MTHFD1: variants seen among roughly 807,000 people sequenced by gnomAD.
MTHFD1 encodes methylenetetrahydrofolate dehydrogenase, cyclohydrolase and formyltetrahydrofolate synthetase 1, also known as C-1-tetrahydrofolate synthase, cytoplasmic.
In MTHFD1, 44 loss-of-function variants were observed where a neutral mutation model predicts 110.3. The observed-to-expected ratio is 0.40, with a 90% CI of 0.31 to 0.51. The LOEUF is 0.51. Ranked by LOEUF, MTHFD1 falls within the 20% of genes least tolerant of loss-of-function variation. The pLI, the probability that MTHFD1 is intolerant of heterozygous loss-of-function variation, is 0.60. For missense variants in MTHFD1, 909 were observed against 1,173.1 expected (o/e 0.77, Z 3.29); for synonymous variants, 402 against 428.8 (o/e 0.94, Z 0.77).
At chr14:64,410,597 A>T (rs2077976117) in intron 2 of MTHFD1, among the ~76,000 whole-genome samples, 1 of 152,040 alleles carries the variant, frequency 6.6e-6, no homozygotes, top group Non-Finnish European at 1.5e-5. Context: ...AACTAGAGGG[A>T]GGTCCTTCCA....
At chr14:64,427,516 T>G in intron 12 of MTHFD1, 43 bp downstream of exon 12, 1 of 1,608,392 alleles carries the variant, frequency 6.2e-7, no homozygotes. Context: ...GGGGACCTGC[T>G]TCTCCTTCAG....
Position 64,415,425 on chromosome 14 carries a change from T to C in MTHFD1, c.308T>C (p.Leu103Ser). The C allele has an allele frequency of 6.2e-7, 1 of 1,613,656 alleles. No individual in the cohort carries two copies. The highest frequency in any genetic ancestry group is 8.5e-7 in the Non-Finnish European group (1 of 1,179,528). The stretch of plus-strand genomic sequence containing the variant: ...CATGGGTTCTTAGTGCAGCTACCTT[T>C]AGATTCAGAGAATTCCATTAACACT... The part of the protein sequence containing the change: ...TVHGFLVQLP[L>S]DSENSINTEE... The change falls in exon 5 of 28, where the codon TTA (leucine) becomes TCA (serine). Residue 103 changes from leucine (L) to serine (S), a missense_variant. Physicochemically the swap from Leu to Ser is moderately radical, Grantham distance 145. This residue lies in a region of MTHFD1 where 424 missense variants were observed against 510.4 expected (regional missense o/e 0.83). Transcript: ENST00000652337.
At chr14:64,414,978 C>T (rs962525385) in intron 4 of MTHFD1, among the ~76,000 whole-genome samples, 1 of 152,104 alleles carries the variant, frequency 6.6e-6, no homozygotes, top group African/African-American at 2.4e-5. Context: ...CGTGAACCAC[C>T]GCACCCAGCC....
intron 24 of MTHFD1, among the ~76,000 whole-genome samples, chr14:64,452,102 C>A (rs955469267): frequency 2.6e-5 from 4 of 152,138 alleles, no homozygotes; most frequent in Non-Finnish European, 4.4e-5. Flanking sequence ...TCGAGACCAG[C>A]CTGACCAAGA....
chr14:64,449,803 T>G (rs1012152227), intron 24 of MTHFD1, among the ~76,000 whole-genome samples, 181 bp downstream of exon 24: 30 of 152,200 alleles, frequency 2.0e-4, no homozygotes, highest in Admixed American at 1.8e-3. Context: ...TTCTTTTTAT[T>G]TTTGAGACGG....
chr14:64,412,854 T>C (rs1164436623), intron 4 of MTHFD1, among the ~76,000 whole-genome samples: 1 of 149,534 alleles, frequency 6.7e-6, no homozygotes, highest in Non-Finnish European at 1.5e-5. Flanking sequence ...GCCAGGCTGG[T>C]CTTGAACTCC....
chr14:64,414,033 C>T (rs2078005755), intron 4 of MTHFD1, among the ~76,000 whole-genome samples: 4 of 152,002 alleles, frequency 2.6e-5, no homozygotes, highest in East Asian at 1.9e-4. Flanking sequence ...TTACTCTTGT[C>T]GCCCAGGCTA....
chr14:64,426,262 C>G, intron 11 of MTHFD1, 70 bp downstream of exon 11: 1 of 1,567,774 alleles, frequency 6.4e-7, no homozygotes, highest in Non-Finnish European at 8.8e-7. Flanking sequence ...TGCATTTGCA[C>G]TTGGCACATG....
intron 2 of MTHFD1, among the ~76,000 whole-genome samples, chr14:64,407,878 C>G (rs1460498244): frequency 6.6e-6 from 1 of 152,120 alleles, no homozygotes; most frequent in African/African-American, 2.4e-5. Context: ...TATTCGGGAA[C>G]TATTCAGAGT....
intron 1 of MTHFD1, among the ~76,000 whole-genome samples, chr14:64,391,269 A>C (rs1259399575): frequency 5.3e-5 from 8 of 152,008 alleles, no homozygotes; most frequent in Non-Finnish European, 7.4e-5. Context: ...GGTTCAAACG[A>C]TTCTCCTGCC....
At chr14:64,454,543 GTTC>G (rs1202041970) in intron 25 of MTHFD1, among the ~76,000 whole-genome samples, 177 bp from the exon 26 acceptor site, 1 of 146,840 alleles carries the variant, frequency 6.8e-6, no homozygotes, top group Non-Finnish European at 1.5e-5. Context: ...TCACCCAACA[GTTC>G]TTTTTTTTTT....
chr14:64,417,915 T>C lies in MTHFD1; in HGVS notation c.506T>C (p.Val169Ala). 6.2e-7 allele frequency: 1 copy of C among 1,613,110 alleles called. No individual in the cohort carries two copies. The highest frequency in any genetic ancestry group is 8.5e-7 in the Non-Finnish European group (1 of 1,179,964). Residue 169 changes from valine (V) to alanine (A), a missense_variant, in exon 7 of 28, where the codon GTG becomes GCG. Val to Ala is a moderately conservative substitution (Grantham distance 64). Coordinates refer to ENST00000652337, the MANE Select transcript of MTHFD1 (RefSeq NM_005956.4). The surrounding 1 kb of genome is among the most constrained non-coding windows in gnomAD (Gnocchi z 4.4). The part of the protein sequence containing the change: ...TGVPIAGRHA[V>A]VVGRSKIVGA... Reference sequence around the variant, plus strand: ...GTGCCGATTGCCGGAAGGCATGCTGTGGTGGTTGGGCGCAGTAAAATAGTT... The same window carrying C: ...GTGCCGATTGCCGGAAGGCATGCTGCGGTGGTTGGGCGCAGTAAAATAGTT...
intron 1 of MTHFD1, among the ~76,000 whole-genome samples, chr14:64,395,536 T>A (rs933114885): frequency 6.6e-6 from 1 of 152,226 alleles, no homozygotes; most frequent in Non-Finnish European, 1.5e-5. Flanking sequence ...TTTTTCTGAA[T>A]GAACTTATGG....
chr14:64,399,333 C>T (rs2140944705), intron 1 of MTHFD1, among the ~76,000 whole-genome samples: 1 of 152,280 alleles, frequency 6.6e-6, no homozygotes, highest in South Asian at 2.1e-4. Flanking sequence ...TATCCCTGAA[C>T]CCTGTGGCTC....
At chr14:64,426,854 A>T (rs2078122969) in intron 11 of MTHFD1, among the ~76,000 whole-genome samples, 1 of 152,210 alleles carries the variant, frequency 6.6e-6, no homozygotes, top group African/African-American at 2.4e-5. Context: ...GTTATATTAA[A>T]AAGCTAGTTT....
At chr14:64,445,114 C>T (rs1043608564) in intron 22 of MTHFD1, 1 of 346,146 alleles carries the variant, frequency 2.9e-6, no homozygotes, top group Non-Finnish European at 5.6e-6. Flanking sequence ...CTTTAATGCA[C>T]AGGACAGCCC....
At chr14:64,430,864 A>G (rs942556393) in intron 13 of MTHFD1, among the ~76,000 whole-genome samples, 2 of 152,134 alleles carry the variant, frequency 1.3e-5, no homozygotes, top group Non-Finnish European at 2.9e-5. Context: ...GGAACATTAC[A>G]TAGACATAGA....
intron 25 of MTHFD1, among the ~76,000 whole-genome samples, chr14:64,454,216 G>A (rs1158991713): frequency 6.6e-6 from 1 of 152,116 alleles, no homozygotes; most frequent in African/African-American, 2.4e-5. Flanking sequence ...AGGCTCAAGC[G>A]ATCCTCCCAC....
At chr14:64,436,785 TA>T (rs1476845816) in intron 16 of MTHFD1, among the ~76,000 whole-genome samples, 2 of 152,256 alleles carry the variant, frequency 1.3e-5, no homozygotes, top group African/African-American at 4.8e-5. Flanking sequence ...TAATATTTTA[TA>T]AGGAATAAGC....
Sources: gnomAD v4.1 joint callset for allele counts (sites outside exome capture counted in the v4.1 genomes callset) on GRCh38, gnomAD v4.1.1 for gene constraint, gnomAD v4.1.1 regional missense constraint, Gnocchi (gnomAD v3.1) non-coding constraint, MANE v1.5 for transcripts, NCBI Gene and HGNC (gene_info 2026-07-23, HGNC 2026-07-21) for gene names.